WASHC2C: variants seen among roughly 807,000 people sequenced by gnomAD.
WASHC2C encodes the protein Vaccinia Penetration Factor.
A neutral mutation model predicts 142.2 loss-of-function variants in WASHC2C; 73 were observed. That is an observed-to-expected ratio of 0.51 (90% CI 0.43 to 0.62). The LOEUF (loss-of-function observed/expected upper bound fraction) is 0.62. Ranked by LOEUF, WASHC2C falls within the 20% of genes least tolerant of loss-of-function variation. The pLI is 0.00. For missense variants in WASHC2C, 969 were observed against 1,531.7 expected (o/e 0.63, Z 6.13); for synonymous variants, 337 against 565.5 (o/e 0.60, Z 5.73).
intron 10 of WASHC2C, among the ~76,000 whole-genome samples, 165 bp downstream of exon 10, chr10:45,751,003 T>C (rs78099333): frequency 6.6e-6 from 1 of 152,176 alleles, no homozygotes. Context: ...TTTTGGTTAA[T>C]GGGCTCCTTT....
intron 3 of WASHC2C, among the ~76,000 whole-genome samples, chr10:45,730,966 G>T (rs1554862039): frequency 6.6e-6 from 1 of 150,872 alleles, no homozygotes; most frequent in East Asian, 2.0e-4. Flanking sequence ...ATTGGTACTA[G>T]ATTGGTACCA....
At chr10:45,788,410 T>C (rs1291277984) in intron 28 of WASHC2C, among the ~76,000 whole-genome samples, 1 of 152,232 alleles carries the variant, frequency 6.6e-6, no homozygotes, top group Non-Finnish European at 1.5e-5. Flanking sequence ...GTCATGTTTC[T>C]CCCCGCTCCT....
chr10:45,735,743 A>G (rs1349387832), intron 3 of WASHC2C, among the ~76,000 whole-genome samples: 1 of 152,224 alleles, frequency 6.6e-6, no homozygotes, highest in Non-Finnish European at 1.5e-5. Flanking sequence ...GTCAGAGGAT[A>G]TGATCATTTA....
At chr10:45,767,138 G>A (rs1183208952) in intron 19 of WASHC2C, among the ~76,000 whole-genome samples, 7 of 147,610 alleles carry the variant, frequency 4.7e-5, no homozygotes, top group Non-Finnish European at 7.4e-5. Flanking sequence ...TTGTGGTGGC[G>A]CATGCCTGTA....
intron 19 of WASHC2C, 99 bp from the exon 20 acceptor site, chr10:45,769,350 T>C (rs1209350968): frequency 1.7e-5 from 25 of 1,441,876 alleles, no homozygotes; most frequent in African/African-American, 2.9e-5. Flanking sequence ...GATCTGCTGA[T>C]CTCGTGATTC....
chr10:45,748,994 AT>A (rs1339980725), intron 8 of WASHC2C, among the ~76,000 whole-genome samples: 2 of 152,104 alleles, frequency 1.3e-5, no homozygotes, highest in African/African-American at 4.8e-5. Flanking sequence ...ATCATCCTGG[AT>A]TTGTTATTCT....
At chr10:45,768,980 G>A (rs1158444239) in intron 19 of WASHC2C, among the ~76,000 whole-genome samples, 8 of 151,976 alleles carry the variant, frequency 5.3e-5, no homozygotes, top group African/African-American at 1.9e-4. Context: ...CTAGATTTGA[G>A]TTCAAAGAAA....
At chr10:45,759,864 C>T (rs1280522187) in intron 17 of WASHC2C, among the ~76,000 whole-genome samples, 4 of 151,566 alleles carry the variant, frequency 2.6e-5, no homozygotes, top group South Asian at 2.1e-4. Context: ...AGCACAGGGG[C>T]TTTAGAAAGC....
intron 20 of WASHC2C, among the ~76,000 whole-genome samples, chr10:45,770,700 C>G (rs1385920858): frequency 6.6e-6 from 1 of 152,192 alleles, no homozygotes; most frequent in Non-Finnish European, 1.5e-5. Context: ...TGTAACTTGA[C>G]ACTCGGATGC....
chr10:45,753,202 C>G lies in WASHC2C; in HGVS notation c.1145C>G (p.Ser382Cys). Residue 382 changes from serine (S) to cysteine (C), a missense_variant, in exon 13 of 31, where the codon TCC (serine) becomes TGC (cysteine). Coordinates refer to ENST00000623400, the MANE Select transcript of WASHC2C (RefSeq NM_001330074.2). ...DEESDLFTEASQDRQAGASVK... is the reference protein window; with the variant it reads ...DEESDLFTEACQDRQAGASVK... ...CAGAGTGACCTCTTCACGGAAGCCT[C>G]CCAGGATCGGCAAGCTGGAGCCTCT... 4 of 1,223,646 alleles carry G rather than the reference C, an allele frequency of 3.3e-6. 1 individual carries two copies. Among genetic ancestry groups the G allele is most frequent in the Non-Finnish European group, 4.3e-6 (4 of 928,470 alleles). 75.8% of individuals were successfully genotyped at this position (1,223,646 alleles called of 1,614,324 possible). A position where few individuals can be genotyped will look rare whatever the true frequency, so the allele number is the denominator to read the frequency against.
At chr10:45,744,205 C>G (rs528014220) in intron 6 of WASHC2C, among the ~76,000 whole-genome samples, 1,536 of 145,346 alleles carry the variant, frequency 0.011, 16 homozygotes, top group South Asian at 0.016. Context: ...ATTACAGGTG[C>G]CCACCACCAC....
In WASHC2C at chr10:45,785,536, A is replaced by C; in HGVS notation, c.2716A>C (p.Lys906Gln). ...LVQEKKRVVKKDHSVNSFKNQ... is the reference protein window; with the variant it reads ...LVQEKKRVVKQDHSVNSFKNQ... Reference sequence around the variant, plus strand: ...ACAAGAGAAAAAGAGAGTAGTGAAAAAAGACCACTCTGTTAACTCTTTCAA... The same window carrying C: ...ACAAGAGAAAAAGAGAGTAGTGAAACAAGACCACTCTGTTAACTCTTTCAA... The change falls in exon 26 of 31, where the codon AAA (lysine) becomes CAA (glutamine). Residue 906 changes from lysine (K) to glutamine (Q), a missense_variant. By Grantham distance (53) the Lys-to-Gln change is moderately conservative (BLOSUM62 1). Transcript: ENST00000623400. 6.2e-7 allele frequency: 1 copy of C among 1,613,918 alleles called. No individual in the cohort carries two copies. Among genetic ancestry groups the C allele is most frequent in the Non-Finnish European group, 8.5e-7 (1 of 1,179,850 alleles).
At chr10:45,744,162 A>G (rs1301527843) in intron 6 of WASHC2C, among the ~76,000 whole-genome samples, 1 of 139,404 alleles carries the variant, frequency 7.2e-6, no homozygotes. Flanking sequence ...GGGTTCAAGC[A>G]ATTCTCCTAC....
At chr10:45,789,902 A>G (rs1393184054) in intron 29 of WASHC2C, among the ~76,000 whole-genome samples, 12 of 152,244 alleles carry the variant, frequency 7.9e-5, no homozygotes, top group African/African-American at 2.7e-4. Flanking sequence ...CATGCAGGCA[A>G]TAAGACTTTC....
chr10:45,752,182 G>T (rs1457957614), intron 11 of WASHC2C, among the ~76,000 whole-genome samples: 1 of 152,170 alleles, frequency 6.6e-6, no homozygotes, highest in Non-Finnish European at 1.5e-5. Flanking sequence ...CCTGCAAACA[G>T]CCATGTCGAT....
intron 3 of WASHC2C, among the ~76,000 whole-genome samples, chr10:45,736,405 CAAAAAAAAAAAAAAAAAAAA>C (rs71520974): frequency 4.5e-4 from 11 of 24,560 alleles, no homozygotes; most frequent in Non-Finnish European, 7.7e-4. Flanking sequence ...GACTCCATCT[CAAAAAAAAAAAAAAAAAAAA>C]AAAAAAAAAA....
intron 19 of WASHC2C, 32 bp downstream of exon 19, chr10:45,765,842 A>G (rs781986056): frequency 6.2e-7 from 1 of 1,611,552 alleles, no homozygotes; most frequent in Admixed American, 1.7e-5. Context: ...AAAAGAGGGG[A>G]TTATTTCATG....
At chr10:45,738,119 G>C in intron 4 of WASHC2C, 74 bp downstream of exon 4, 3 of 1,601,412 alleles carry the variant, frequency 1.9e-6, no homozygotes, top group Non-Finnish European at 2.6e-6. Context: ...TGTTATGTGG[G>C]AACTGGGGGA....
intron 21 of WASHC2C, among the ~76,000 whole-genome samples, chr10:45,773,809 G>A (rs2056830678): frequency 7.0e-6 from 1 of 142,936 alleles, no homozygotes; most frequent in Non-Finnish European, 1.5e-5. Context: ...ACAGGTCCTA[G>A]TACAGTTAGA....
Sources: allele counts gnomAD v4.1 joint callset (sites outside exome capture counted in the v4.1 genomes callset), GRCh38; gene constraint gnomAD v4.1.1; transcripts MANE v1.5; gene names NCBI Gene and HGNC (gene_info 2026-07-23, HGNC 2026-07-21).